The following YOD1 variants were observed in gnomAD, a reference collection of about 807,000 sequenced individuals.
YOD1 encodes the protein YOD1 deubiquitinase, also known as ubiquitin thioesterase OTU1.
Under a neutral mutation model 23.7 loss-of-function variants are expected in YOD1, and 17 were observed. The observed-to-expected ratio is 0.72, with a 90% CI of 0.49 to 1.07. The LOEUF (loss-of-function observed/expected upper bound fraction) is 1.07, where lower values mean the gene tolerates loss of function less well. Among genes scored for constraint, YOD1 ranks in the 50% least tolerant of loss-of-function variants. The pLI is 0.00. For synonymous variants in YOD1, 191 were observed against 169.6 expected (o/e 1.13, Z -0.98); for missense variants, 413 against 447.2 (o/e 0.92, Z 0.69).
rs1200095634 is a variant in YOD1, at chr1:207,047,230, AAC to A, written c.*1788_*1789del. 1 of 152,562 alleles carries A rather than the reference AAC, an allele frequency of 6.6e-6. No homozygotes were observed. The highest frequency in any genetic ancestry group is 1.5e-5 in the Non-Finnish European group (1 of 67,964). The allele number at this position is 152,562 out of a possible 1,614,324, so 9.5% of individuals were successfully genotyped here. ...TAAGGCTCAGTAAAATAGAAAACTA[AAC>A]ACTTTTAAGTTATGCTGACCATAAC... On this transcript the variant is annotated 3_prime_UTR_variant, in exon 2 of 2. Coordinates refer to ENST00000315927, the MANE Select transcript of YOD1 (RefSeq NM_018566.4).
upstream of YOD1, among the ~76,000 whole-genome samples, chr1:207,051,801 T>A (rs1444310743): frequency 6.6e-6 from 1 of 152,206 alleles, no homozygotes; most frequent in African/African-American, 2.4e-5. Flanking sequence ...TGCTAGATTA[T>A]CTGTACCTTT....
Position 207,049,381 on chromosome 1 carries a change from G to T in YOD1, c.686C>A (p.Ser229Tyr). ...WGGAIEISIL[S>Y]KFYQCEICVV... ...ACATATTTCACATTGGTAAAACTTG[G>T]ACAAAATCGATATCTCTATTGCTCC... The change falls in exon 2 of 2, where the codon TCC (serine) becomes TAC (tyrosine). Residue 229 changes from serine to tyrosine, a missense_variant. Ser to Tyr is a moderately radical substitution (Grantham distance 144). Transcript: ENST00000315927. 3 of 1,613,900 alleles carry T rather than the reference G, an allele frequency of 1.9e-6. No individual in the cohort carries two copies. Among genetic ancestry groups the T allele is most frequent in the Non-Finnish European group, 2.5e-6 (3 of 1,180,008 alleles).
At chr1:207,053,026 C>T (rs1252231072), upstream of YOD1, 1 of 152,244 alleles carries the variant, frequency 6.6e-6, no homozygotes, top group African/African-American at 2.4e-5. Context: ...ATTAACACCG[C>T]CCCCAGCCCT....
Position 207,044,579 on chromosome 1 carries a change from A to G in YOD1, c.*4441T>C, listed in dbSNP as rs1682549056. The stretch of plus-strand genomic sequence containing the variant: ...CCTATATGTTGGTTAGTACTTTTAA[A>G]AACATATGTATAAAAGGGCATCATG... On this transcript the variant is annotated 3_prime_UTR_variant, in exon 2 of 2. Coordinates refer to ENST00000315927, the MANE Select transcript of YOD1 (RefSeq NM_018566.4). The G allele has an allele frequency of 6.6e-6, 1 of 152,520 alleles. No individual in the cohort carries two copies. Among genetic ancestry groups the G allele is most frequent in the Non-Finnish European group, 1.5e-5 (1 of 67,970 alleles). The allele number at this position is 152,520 out of a possible 1,614,324, so 9.4% of individuals were successfully genotyped here.
In YOD1 at chr1:207,048,050, T is replaced by A. The variant is rs534055679; in HGVS notation, c.*970A>T. On this transcript the variant is annotated 3_prime_UTR_variant, in exon 2 of 2. Transcript: ENST00000315927. ...GGAGGAAGTGCTCTTAACAAAAAGC[T>A]GAGAAAATTAAATTCCCCCCGATAA... 6.6e-6 allele frequency: 1 copy of A among 152,558 alleles called. No individual in the cohort carries two copies. Among genetic ancestry groups the A allele is most frequent in the South Asian group, 2.1e-4 (1 of 4,822 alleles). The allele number at this position is 152,558 out of a possible 1,614,324, so 9.5% of individuals were successfully genotyped here.
upstream of YOD1, chr1:207,052,464 C>G (rs975886101): frequency 6.7e-6 from 3 of 448,968 alleles, no homozygotes; most frequent in Non-Finnish European, 1.2e-5. Flanking sequence ...AAGTTCGAGA[C>G]CAGCCTCATC....
In YOD1 at chr1:207,045,375, T is replaced by C. The variant is rs1339436016; in HGVS notation, c.*3645A>G. ...CTACTGTTATCAAAACACCAGAATG[T>C]TGTGCCAATAGATACACTCTACACT... On this transcript the variant is annotated 3_prime_UTR_variant, in exon 2 of 2. Coordinates refer to ENST00000315927, the MANE Select transcript of YOD1 (RefSeq NM_018566.4). The C allele has an allele frequency of 2.0e-5, 3 of 152,518 alleles. No homozygotes were observed. Among genetic ancestry groups the C allele is most frequent in the East Asian group, 3.8e-4 (2 of 5,198 alleles). 9.4% of individuals were successfully genotyped at this position (152,518 alleles called of 1,614,324 possible).
chr1:207,049,666 G>C lies in YOD1; in HGVS notation c.401C>G (p.Thr134Ser). The C allele has an allele frequency of 1.2e-6, 2 of 1,614,202 alleles. No individual in the cohort carries two copies. The highest frequency in any genetic ancestry group is 1.7e-6 in the Non-Finnish European group (2 of 1,180,042). Residue 134 changes from threonine to serine, a missense_variant, in exon 2 of 2, where the codon ACT (threonine) becomes AGT (serine). Physicochemically the swap from Thr to Ser is moderately conservative, Grantham distance 58. Coordinates refer to ENST00000315927, the MANE Select transcript of YOD1 (RefSeq NM_018566.4). ...GACGTAACTAGAAGCACCACGTTTA[G>C]TAAATGCAGGTGAACTTCTGGGCCT... ...QTRPRSSPAFTKRGASSYVRE... is the reference protein window; with the variant it reads ...QTRPRSSPAFSKRGASSYVRE...
rs115936855 is a variant in YOD1, at chr1:207,051,061, G to C, written c.-31C>G. 3.4e-4 allele frequency: 500 copies of C among 1,472,500 alleles called. 5 individuals are homozygous for C. The African/African-American group carries it at 6.4e-3, about 19-fold the overall frequency. 91.2% of individuals were successfully genotyped at this position (1,472,500 alleles called of 1,614,324 possible). Reference sequence around the variant, plus strand: ...GAAGTTGCGGGTGGTTGCAGTTATCGCGACGCTTCGGTGCGGCTTCTGCCT... The same window carrying C: ...GAAGTTGCGGGTGGTTGCAGTTATCCCGACGCTTCGGTGCGGCTTCTGCCT... On this transcript the variant is annotated 5_prime_UTR_variant, in exon 1 of 2. Coordinates refer to ENST00000315927, the MANE Select transcript of YOD1 (RefSeq NM_018566.4).
In YOD1 at chr1:207,045,345, G is replaced by A. The variant is rs188058305; in HGVS notation, c.*3675C>T. ...CATGCTCCTAATAGTTACTGAAATT[G>A]AGTTCTACTGTTATCAAAACACCAG... On this transcript the variant is annotated 3_prime_UTR_variant, in exon 2 of 2. Coordinates refer to ENST00000315927, the MANE Select transcript of YOD1 (RefSeq NM_018566.4). The A allele has an allele frequency of 2.0e-5, 3 of 152,550 alleles. No homozygotes were observed. Among genetic ancestry groups the A allele is most frequent in the African/African-American group, 7.2e-5 (3 of 41,552 alleles). 9.4% of individuals were successfully genotyped at this position (152,550 alleles called of 1,614,324 possible). A position where few individuals can be genotyped will look rare whatever the true frequency, so the allele number is the denominator to read the frequency against.
rs762934368 is a variant in YOD1, at chr1:207,046,823, C to G, written c.*2197G>C. 5.3e-5 allele frequency: 8 copies of G among 151,968 alleles called. No individual in the cohort carries two copies. Among genetic ancestry groups the G allele is most frequent in the Non-Finnish European group, 1.0e-4 (7 of 67,898 alleles). 9.4% of individuals were successfully genotyped at this position (151,968 alleles called of 1,614,324 possible). ...AAAGTGACAGAAACTTATGTTGGAA[C>G]ATATCAAAACATATGACAGAAACAT... On this transcript the variant is annotated 3_prime_UTR_variant, in exon 2 of 2. Transcript: ENST00000315927.
chr1:207,047,125 GGA>G lies in YOD1; in HGVS notation c.*1893_*1894del, dbSNP rs1682619001. ...TCCAGATCAGATGAGAGTCAGGTGTGGAGAGATTTTCAATCCCATTAATTTGA... is the reference window on the plus strand; with the variant it reads ...TCCAGATCAGATGAGAGTCAGGTGTGGAGATTTTCAATCCCATTAATTTGA... On this transcript the variant is annotated 3_prime_UTR_variant, in exon 2 of 2. Coordinates refer to ENST00000315927, the MANE Select transcript of YOD1 (RefSeq NM_018566.4). 2 of 152,486 alleles carry G rather than the reference GGA, an allele frequency of 1.3e-5. No homozygotes were observed. The highest frequency in any genetic ancestry group is 4.8e-5 in the African/African-American group (2 of 41,424). 9.4% of individuals were successfully genotyped at this position (152,486 alleles called of 1,614,324 possible). A position where few individuals can be genotyped will look rare whatever the true frequency, so the allele number is the denominator to read the frequency against.
rs565515047 is a variant in YOD1, at chr1:207,050,271, T to C, written c.343+417A>G. ...ATGAGTATGCCTGTCAAACGAAGTA[T>C]CTACGAAGGGGACTGCAAAAATGAA... is the stretch of plus-strand genomic sequence containing the variant. On this transcript the variant is annotated intron_variant, in intron 1 of 1. Coordinates refer to ENST00000315927, the MANE Select transcript of YOD1 (RefSeq NM_018566.4). Among the ~76,000 whole-genome samples, 177 of 152,134 alleles carry C rather than the reference T, an allele frequency of 1.2e-3. 1 individual carries two copies. Among genetic ancestry groups the C allele is most frequent in the African/African-American group, 4.1e-3 (169 of 41,476 alleles).
intron 1 of YOD1, among the ~76,000 whole-genome samples, 161 bp from the exon 2 acceptor site, chr1:207,049,884 G>C (rs1025272278): frequency 6.6e-6 from 1 of 152,158 alleles, no homozygotes; most frequent in African/African-American, 2.4e-5. Flanking sequence ...AAGAATCTTT[G>C]TTCACTGAAT....
chr1:207,051,513 C>T (rs1250130750), upstream of YOD1, among the ~76,000 whole-genome samples: 1 of 152,178 alleles, frequency 6.6e-6, no homozygotes, highest in African/African-American at 2.4e-5. Flanking sequence ...AAAGACTGGC[C>T]TTTCTGCCTC....
rs1682670202 is a variant in YOD1 at position 207,049,180 on chromosome 1, T to C, written c.887A>G (p.Gln296Arg). 1 of 1,614,120 alleles carries C rather than the reference T, an allele frequency of 6.2e-7. No individual in the cohort carries two copies. The highest frequency in any genetic ancestry group is 8.5e-7 in the Non-Finnish European group (1 of 1,180,032). ...AGCTTCATCTGCTAATTCCAGTGCTTGTACAAGAACAATATCATCATTAGA... is the reference window on the plus strand; with the variant it reads ...AGCTTCATCTGCTAATTCCAGTGCTCGTACAAGAACAATATCATCATTAGA... ...FSSNDDIVLV[Q>R]ALELADEARR... The change falls in exon 2 of 2, where the codon CAA (glutamine) becomes CGA (arginine). Residue 296 changes from glutamine (Q) to arginine (R), a missense_variant. Gln to Arg is a conservative substitution (Grantham distance 43). Coordinates refer to ENST00000315927, the MANE Select transcript of YOD1 (RefSeq NM_018566.4).
rs1040710604 is a variant in YOD1, at chr1:207,047,830, A to G, written c.*1190T>C. ...TAGTTCATTCAACAGTATTACTCCA[A>G]TTGCTTTAAAACTTCAAAAATCAAA... On this transcript the variant is annotated 3_prime_UTR_variant, in exon 2 of 2. Coordinates refer to ENST00000315927, the MANE Select transcript of YOD1 (RefSeq NM_018566.4). 2 of 152,314 alleles carry G rather than the reference A, an allele frequency of 1.3e-5. No individual in the cohort carries two copies. Among genetic ancestry groups the G allele is most frequent in the Non-Finnish European group, 1.5e-5 (1 of 68,016 alleles). The allele number at this position is 152,314 out of a possible 1,614,324, so 9.4% of individuals were successfully genotyped here.
chr1:207,044,297 T>A lies in YOD1; in HGVS notation c.*4723A>T, dbSNP rs1201070318. 1 of 152,562 alleles carries A rather than the reference T, an allele frequency of 6.6e-6. No individual in the cohort carries two copies. Among genetic ancestry groups the A allele is most frequent in the Non-Finnish European group, 1.5e-5 (1 of 67,980 alleles). 9.5% of individuals were successfully genotyped at this position (152,562 alleles called of 1,614,324 possible). On this transcript the variant is annotated 3_prime_UTR_variant, in exon 2 of 2. Transcript: ENST00000315927. ...ATTCTGTATTTAGGCTGAATTCAAATTTTTTTCAAGGAAAAATACTATTCT... is the reference window on the plus strand; with the variant it reads ...ATTCTGTATTTAGGCTGAATTCAAAATTTTTTCAAGGAAAAATACTATTCT...
intron 1 of YOD1, 112 bp from the exon 2 acceptor site, chr1:207,049,835 T>A (rs1016946781): frequency 8.4e-6 from 8 of 954,804 alleles, no homozygotes; most frequent in Non-Finnish European, 1.2e-5. Context: ...TAAACTGGGG[T>A]TACTAAGGAG....
Sources: gnomAD v4.1 joint callset for allele counts (sites outside exome capture counted in the v4.1 genomes callset) on GRCh38, gnomAD v4.1.1 for gene constraint, MANE v1.5 for transcripts, NCBI Gene and HGNC (gene_info 2026-07-23, HGNC 2026-07-21) for gene names.